The following KIAA1217 variants were observed in gnomAD, a reference collection of about 807,000 sequenced individuals.
KIAA1217 encodes the protein sickle tail protein homolog.
KIAA1217 carries 88 observed loss-of-function variants against 163.9 expected under a neutral mutation model. That is an observed-to-expected ratio of 0.54 (90% CI 0.45 to 0.64). KIAA1217 has a LOEUF of 0.64. Ranked by LOEUF, KIAA1217 falls within the 30% of genes least tolerant of loss-of-function variation. KIAA1217 has a pLI of 0.00. For synonymous variants in KIAA1217, 903 were observed against 923.1 expected, an observed-to-expected ratio of 0.98 and a Z score of 0.39; for missense variants, 2,372 against 2,475.0, an observed-to-expected ratio of 0.96 and a Z score of 0.88.
intron 1 of KIAA1217, among the ~76,000 whole-genome samples, chr10:23,813,635 C>T (rs1837178149): frequency 6.6e-6 from 1 of 152,070 alleles, no homozygotes; most frequent in African/African-American, 2.4e-5. Context: ...TATTCTTGCA[C>T]ACTTGTAAAG....
At chr10:23,784,009 G>T (rs114253206) in intron 1 of KIAA1217, among the ~76,000 whole-genome samples, 1,604 of 151,318 alleles carry the variant, frequency 0.011, 23 homozygotes, top group African/African-American at 0.036. Context: ...ACTTTTGTTG[G>T]TTTTTTTCTG....
chr10:24,245,346 C>T (rs917651876), intron 2 of KIAA1217, among the ~76,000 whole-genome samples: 1 of 152,172 alleles, frequency 6.6e-6, no homozygotes, highest in Non-Finnish European at 1.5e-5. Flanking sequence ...CTGCTCTGTG[C>T]TCTGCTCAGA....
intron 2 of KIAA1217, among the ~76,000 whole-genome samples, chr10:24,364,601 G>A (rs536354528): frequency 8.5e-5 from 13 of 152,194 alleles, no homozygotes; most frequent in African/African-American, 3.1e-4. Flanking sequence ...GCATCCCGGG[G>A]CCTTCCCTGC....
chr10:24,014,562 G>T (rs193015140), intron 2 of KIAA1217, among the ~76,000 whole-genome samples: 89 of 152,224 alleles, frequency 5.8e-4, no homozygotes, highest in African/African-American at 2.0e-3. Flanking sequence ...GCAGTAGAGA[G>T]AATTTCCCAT....
intron 2 of KIAA1217, among the ~76,000 whole-genome samples, chr10:24,130,357 G>A (rs2063609490): frequency 6.6e-6 from 1 of 152,184 alleles, no homozygotes; most frequent in South Asian, 2.1e-4. Context: ...TGATTGGCAT[G>A]CATTGGGCAT....
chr10:24,295,532 C>T (rs974733479), intron 2 of KIAA1217, among the ~76,000 whole-genome samples: 23 of 152,168 alleles, frequency 1.5e-4, no homozygotes, highest in African/African-American at 5.6e-4. Context: ...TCTCCCACTG[C>T]TCTGAGGACA....
intron 1 of KIAA1217, among the ~76,000 whole-genome samples, chr10:23,748,305 C>G (rs944147324): frequency 6.6e-6 from 1 of 151,794 alleles, no homozygotes; most frequent in African/African-American, 2.4e-5. Context: ...TCCTCCAGCT[C>G]AAGAATTTTA....
intron 6 of KIAA1217, among the ~76,000 whole-genome samples, chr10:24,490,143 C>G (rs1373191513): frequency 6.6e-6 from 1 of 152,190 alleles, no homozygotes; most frequent in East Asian, 1.9e-4. Context: ...TTCAGACAGG[C>G]TGACTTAAGA....
At chr10:23,702,025 T>C (rs1442130923) in intron 1 of KIAA1217, among the ~76,000 whole-genome samples, 2 of 152,168 alleles carry the variant, frequency 1.3e-5, no homozygotes, top group Admixed American at 1.3e-4. Flanking sequence ...TTAGTACTTG[T>C]AGGTTACCAG....
intron 2 of KIAA1217, among the ~76,000 whole-genome samples, chr10:24,317,171 G>C (rs528111820): frequency 3.3e-5 from 5 of 152,170 alleles, no homozygotes; most frequent in Admixed American, 3.3e-4. Flanking sequence ...GAGCAGAAAT[G>C]ATTGATTATG....
chr10:23,939,517 AT>A (rs2131331435), intron 1 of KIAA1217, among the ~76,000 whole-genome samples: 1 of 152,146 alleles, frequency 6.6e-6, no homozygotes, highest in South Asian at 2.1e-4. Context: ...ATAAAACAAT[AT>A]TTTTATATTT....
intron 3 of KIAA1217, among the ~76,000 whole-genome samples, chr10:24,382,844 C>T (rs67640864): frequency 0.049 from 2,172 of 44,182 alleles, 200 homozygotes; most frequent in East Asian, 0.36. Context: ...TTTTTCTTTT[C>T]TTTTTTTTTT....
intron 1 of KIAA1217, among the ~76,000 whole-genome samples, chr10:23,876,431 C>G (rs924254155): frequency 6.6e-6 from 1 of 151,454 alleles, no homozygotes; most frequent in Admixed American, 6.6e-5. Flanking sequence ...ACCTCAGCAT[C>G]AAGTAATATA....
intron 14 of KIAA1217, among the ~76,000 whole-genome samples, chr10:24,530,623 G>A (rs977383824): frequency 1.3e-4 from 20 of 152,160 alleles, no homozygotes; most frequent in African/African-American, 2.7e-4. Flanking sequence ...AAAGGCTGGC[G>A]TGGTGGCTCA....
At chr10:24,136,238 C>T (rs10741045) in intron 2 of KIAA1217, among the ~76,000 whole-genome samples, 98,827 of 151,918 alleles carry the variant, frequency 0.65, 32,438 homozygotes, top group South Asian at 0.76. Flanking sequence ...CTATAGTTTC[C>T]GGCATCTTCA....
intron 1 of KIAA1217, among the ~76,000 whole-genome samples, chr10:23,836,632 C>T (rs575145837): frequency 6.6e-5 from 10 of 150,936 alleles, no homozygotes; most frequent in South Asian, 2.1e-4. Flanking sequence ...ATTAGAATAA[C>T]GCACATTTTA....
At chr10:23,904,057 G>T (rs1041597517) in intron 1 of KIAA1217, among the ~76,000 whole-genome samples, 5 of 152,152 alleles carry the variant, frequency 3.3e-5, no homozygotes. Context: ...CTGGCAAACA[G>T]TAACCTAGAG....
intron 1 of KIAA1217, among the ~76,000 whole-genome samples, chr10:23,986,095 G>A (rs1845957955): frequency 6.6e-6 from 1 of 152,206 alleles, no homozygotes; most frequent in South Asian, 2.1e-4. Context: ...TGATATCCCA[G>A]GATCATTCCA....
chr10:24,234,351 G>A lies in KIAA1217; in HGVS notation c.354+14442G>A, dbSNP rs185889196. ...AACAGTTACTCAACCTGTAATGAGC[G>A]TGTTTATTAGAAACTACATACATAT... is the stretch of plus-strand genomic sequence containing the variant. On this transcript the variant is annotated intron_variant, in intron 2 of 20. Transcript: ENST00000376454. 1.6e-4 allele frequency among the ~76,000 whole-genome samples: 24 copies of A among 152,072 alleles called. No individual in the cohort carries two copies. In the East Asian group the frequency reaches 3.7e-3, roughly 23 times the overall value.
Sources: allele counts gnomAD v4.1 joint callset (sites outside exome capture counted in the v4.1 genomes callset), GRCh38; gene constraint gnomAD v4.1.1; transcripts MANE v1.5; gene names NCBI Gene and HGNC (gene_info 2026-07-23, HGNC 2026-07-21).